Variants in NAV3 observed in about 807,000 individuals in gnomAD.
NAV3 encodes pore membrane and/or filament interacting like protein 1.
In NAV3, 87 loss-of-function variants were observed where a neutral mutation model predicts 244.7. That is an observed-to-expected ratio of 0.36 (90% CI 0.30 to 0.42). The LOEUF is 0.42. Ranked by LOEUF, NAV3 falls within the 20% of genes least tolerant of loss-of-function variation. NAV3 has a pLI of 1.00. For missense variants in NAV3, 2,663 were observed against 2,893.3 expected, an observed-to-expected ratio of 0.92 and a Z score of 1.83; for synonymous variants, 1,126 against 1,042.2, an observed-to-expected ratio of 1.08 and a Z score of -1.55.
chr12:78,042,882 A>G (rs1298777329), intron 9 of NAV3, among the ~76,000 whole-genome samples: 2 of 152,178 alleles, frequency 1.3e-5, no homozygotes. Flanking sequence ...TACCTCAAGT[A>G]TTCTGAGTAC....
At chr12:78,163,587 A>G (rs1957656936) in intron 23 of NAV3, among the ~76,000 whole-genome samples, 1 of 152,064 alleles carries the variant, frequency 6.6e-6, no homozygotes, top group African/African-American at 2.4e-5. Flanking sequence ...AAAATTACAA[A>G]AATAAAAAAT....
At chr12:77,646,635 C>G (rs546964008) in intron 2 of NAV3, among the ~76,000 whole-genome samples, 7 of 152,182 alleles carry the variant, frequency 4.6e-5, no homozygotes, top group South Asian at 2.1e-4. Flanking sequence ...CGACAATACT[C>G]TCAGAGGTGG....
chr12:78,121,472 T>G (rs1237975262), intron 15 of NAV3, among the ~76,000 whole-genome samples: 2 of 152,034 alleles, frequency 1.3e-5, no homozygotes, highest in Non-Finnish European at 2.9e-5. Context: ...AAACTTGCTT[T>G]AAGCGTTCCA....
At chr12:77,969,958 A>G (rs1222967478) in intron 5 of NAV3, among the ~76,000 whole-genome samples, 1 of 152,346 alleles carries the variant, frequency 6.6e-6, no homozygotes, top group South Asian at 2.1e-4. Flanking sequence ...TAAAATATCT[A>G]CATAGCAACA....
intron 12 of NAV3, among the ~76,000 whole-genome samples, chr12:78,062,710 G>C (rs1402921000): frequency 6.6e-6 from 1 of 152,038 alleles, no homozygotes; most frequent in East Asian, 1.9e-4. Context: ...TATTTACCCA[G>C]AATCATGCAG....
chr12:77,617,749 G>T (rs1222640973), intron 2 of NAV3, among the ~76,000 whole-genome samples: 1 of 152,204 alleles, frequency 6.6e-6, no homozygotes, highest in African/African-American at 2.4e-5. Context: ...ATTAACAGAT[G>T]TGAAAACTGC....
At chr12:77,712,950 G>A (rs115896068) in intron 2 of NAV3, among the ~76,000 whole-genome samples, 1,894 of 152,230 alleles carry the variant, frequency 0.012, 45 homozygotes, top group African/African-American at 0.043. Flanking sequence ...TCAGTTCTTT[G>A]TGGGTGTCTG....
intron 1 of NAV3, among the ~76,000 whole-genome samples, chr12:77,927,801 G>A (rs1348184775): frequency 6.6e-6 from 1 of 152,060 alleles, no homozygotes; most frequent in Non-Finnish European, 1.5e-5. Context: ...CATTAGTCAG[G>A]CCCCATGCAT....
chr12:78,181,682 A>G (rs950980623), intron 30 of NAV3, among the ~76,000 whole-genome samples: 34 of 152,206 alleles, frequency 2.2e-4, no homozygotes, highest in African/African-American at 8.2e-4. Context: ...TTTCAAGGAT[A>G]GAGAATTTAG....
chr12:77,657,218 A>C (rs1329371085), intron 2 of NAV3, among the ~76,000 whole-genome samples: 1 of 152,208 alleles, frequency 6.6e-6, no homozygotes, highest in Non-Finnish European at 1.5e-5. Context: ...AGCAAGACTA[A>C]TAAAGAAAAA....
chr12:77,836,376 G>C lies in NAV3; in HGVS notation c.243+4672G>C, dbSNP rs1431052022. Among the ~76,000 whole-genome samples, 3 of 152,186 alleles carry C rather than the reference G, an allele frequency of 2.0e-5. No homozygotes were observed. In the East Asian group the frequency reaches 5.8e-4, roughly 29 times the overall value. The stretch of plus-strand genomic sequence containing the variant: ...TATTTTCATTTCCAACTTCTTTCCA[G>C]TCTTGGGCTCACTCATTCCTTCCCT... On this transcript the variant is annotated intron_variant, in intron 1 of 39. Transcript: ENST00000397909.
intron 1 of NAV3, among the ~76,000 whole-genome samples, chr12:77,934,044 A>G (rs1381884664): frequency 6.6e-6 from 1 of 152,188 alleles, no homozygotes; most frequent in African/African-American, 2.4e-5. Context: ...AAAGTAACAT[A>G]ATCACTTTCA....
chr12:77,797,432 A>C (rs1229876762), intron 2 of NAV3, among the ~76,000 whole-genome samples: 1 of 150,408 alleles, frequency 6.6e-6, no homozygotes, highest in African/African-American at 2.4e-5. Flanking sequence ...GTTATTATAG[A>C]TTTTATTATA....
intron 14 of NAV3, 119 bp from the exon 15 acceptor site, chr12:78,119,118 C>T (rs550394855): frequency 9.2e-7 from 1 of 1,089,486 alleles, no homozygotes; most frequent in South Asian, 1.6e-5. Context: ...TGATCTAAGA[C>T]AATACATTTA....
intron 2 of NAV3, among the ~76,000 whole-genome samples, chr12:77,718,066 A>G (rs1250013277): frequency 6.6e-6 from 1 of 152,020 alleles, no homozygotes; most frequent in South Asian, 2.1e-4. Flanking sequence ...GCTATGCAAA[A>G]GCTTGTTGGT....
intron 2 of NAV3, among the ~76,000 whole-genome samples, chr12:77,612,392 G>C (rs1457811060): frequency 6.6e-6 from 1 of 152,132 alleles, no homozygotes; most frequent in East Asian, 1.9e-4. Flanking sequence ...GGTACTTGAA[G>C]GCAAATGATG....
intron 2 of NAV3, among the ~76,000 whole-genome samples, chr12:77,789,023 ACTT>A (rs1289177182): frequency 2.0e-4 from 31 of 152,144 alleles, no homozygotes; most frequent in Admixed American, 1.8e-3. Flanking sequence ...AAGTCAGCCT[ACTT>A]AGTTAACAAA....
At chr12:77,627,495 G>T (rs1031436734) in intron 2 of NAV3, among the ~76,000 whole-genome samples, 19 of 152,208 alleles carry the variant, frequency 1.2e-4, no homozygotes, top group African/African-American at 4.3e-4. Context: ...ACCCTAACAA[G>T]TTGGAAAAAG....
chr12:77,934,617 A>G (rs1361684280), intron 1 of NAV3, among the ~76,000 whole-genome samples: 1 of 152,150 alleles, frequency 6.6e-6, no homozygotes, highest in Admixed American at 6.5e-5. Context: ...TCCCTAAGGT[A>G]TGATTTCTGG....
Sources: allele counts gnomAD v4.1 joint callset (sites outside exome capture counted in the v4.1 genomes callset), GRCh38; gene constraint gnomAD v4.1.1; transcripts MANE v1.5; gene names NCBI Gene and HGNC (gene_info 2026-07-23, HGNC 2026-07-21).